Variants in PCDHB7 observed in about 807,000 individuals in gnomAD.
The protein encoded by PCDHB7 is protocadherin beta 7.
For synonymous variants in PCDHB7, 542 were observed against 463.1 expected (o/e 1.17, Z -2.19); for missense variants, 1,148 against 1,011.6 (o/e 1.13, Z -1.83).
chr5:141,172,989 C>T lies in PCDHB7; in HGVS notation c.154C>T (p.Leu52=). 6 of 1,614,042 alleles carry T rather than the reference C, an allele frequency of 3.7e-6. No individual in the cohort carries two copies. Among genetic ancestry groups the T allele is most frequent in the Non-Finnish European group, 5.1e-6 (6 of 1,180,010 alleles). ...CTTTCTTACCAACTTGGCAAAAGACCTAGGGTTAGGGGTAGGGGAACTGAG... is the reference window on the plus strand; with the variant it reads ...CTTTCTTACCAACTTGGCAAAAGACTTAGGGTTAGGGGTAGGGGAACTGAG... The part of the protein sequence containing the change: ...GTFLTNLAKD[L]GLGVGELRAR... The change falls in exon 1 of 1, where the codon CTA becomes TTA. Residue 52 remains leucine, a synonymous_variant. Transcript: ENST00000231137.
In PCDHB7 at chr5:141,175,107, G is replaced by A. The variant is rs548320013; in HGVS notation, c.2272G>A (p.Gly758Arg). ...TGAGGTGTGCCTGACTGGAGGCTCC[G>A]GGACAAATGAGTTCAAGTTTCTGAA... ...QYEVCLTGGS[G>R]TNEFKFLKPI... Residue 758 changes from glycine (G) to arginine (R), a missense_variant, in exon 1 of 1, where the codon GGG (glycine) becomes AGG (arginine). Physicochemically the swap from Gly to Arg is moderately radical, Grantham distance 125. Coordinates refer to ENST00000231137, the MANE Select transcript of PCDHB7 (RefSeq NM_018940.4). The A allele has an allele frequency of 1.2e-6, 2 of 1,614,194 alleles. No individual in the cohort carries two copies. The highest frequency in any genetic ancestry group is 1.7e-5 in the Admixed American group (1 of 60,032).
chr5:141,173,919 G>C lies in PCDHB7; in HGVS notation c.1084G>C (p.Glu362Gln). 1 of 1,612,616 alleles carries C rather than the reference G, an allele frequency of 6.2e-7. No homozygotes were observed. The highest frequency in any genetic ancestry group is 8.5e-7 in the Non-Finnish European group (1 of 1,178,836). Reference sequence around the variant, plus strand: ...TAGCCCAATTGCAGAAAACTCACCCGAGACAGTCGTGGCTGTTTTTAGGAT... The same window carrying C: ...TAGCCCAATTGCAGAAAACTCACCCCAGACAGTCGTGGCTGTTTTTAGGAT... ...LTSPIAENSP[E>Q]TVVAVFRIRD... is the part of the protein sequence containing the mutation. Residue 362 changes from glutamate to glutamine, a missense_variant, in exon 1 of 1, where the codon GAG becomes CAG. By Grantham distance (29) the Glu-to-Gln change is conservative. Transcript: ENST00000231137.
rs371376108 is a variant in PCDHB7, at chr5:141,173,359, A to T, written c.524A>T (p.Asn175Ile). 6.2e-6 allele frequency: 10 copies of T among 1,613,820 alleles called. No homozygotes were observed. The East Asian group carries it at 1.1e-4, about 18-fold the overall frequency. ...NSLSNYTISPNAYFHINVHDS... is the reference protein window; with the variant it reads ...NSLSNYTISPIAYFHINVHDS... Reference sequence around the variant, plus strand: ...CTGAGTAACTACACCATCAGCCCCAATGCCTATTTCCATATTAATGTCCAT... The same window carrying T: ...CTGAGTAACTACACCATCAGCCCCATTGCCTATTTCCATATTAATGTCCAT... The change falls in exon 1 of 1, where the codon AAT (asparagine) becomes ATT (isoleucine). Residue 175 changes from asparagine (N) to isoleucine (I), a missense_variant. Physicochemically the swap from Asn to Ile is moderately radical, Grantham distance 149. Coordinates refer to ENST00000231137, the MANE Select transcript of PCDHB7 (RefSeq NM_018940.4).
At position 141,175,343 on chromosome 5, in the gene PCDHB7, T is replaced by C; in HGVS notation, c.*126T>C. 4.7e-6 allele frequency: 5 copies of C among 1,057,348 alleles called. No homozygotes were observed. The highest frequency in any genetic ancestry group is 6.7e-6 in the Non-Finnish European group (5 of 745,060). 65.5% of individuals were successfully genotyped at this position (1,057,348 alleles called of 1,614,324 possible). ...TACTCTTGAAGTCAAGCAATAAATT[T>C]CTATACATAAAATAGGATCCTGATT... On this transcript the variant is annotated 3_prime_UTR_variant, in exon 1 of 1. Transcript: ENST00000231137.
rs1753243882 is a variant in PCDHB7, at chr5:141,172,752, A to C, written c.-84A>C. On this transcript the variant is annotated 5_prime_UTR_variant, in exon 1 of 1. Coordinates refer to ENST00000231137, the MANE Select transcript of PCDHB7 (RefSeq NM_018940.4). ...CACAAACATTGCTATTATTCAGCTC[A>C]TTTCAAAGGATTCCGCTGCTGCCAT... is the stretch of plus-strand genomic sequence containing the variant. The C allele has an allele frequency of 1.8e-6, 2 of 1,120,256 alleles. No individual in the cohort carries two copies. The highest frequency in any genetic ancestry group is 2.6e-6 in the Non-Finnish European group (2 of 765,506). 69.4% of individuals were successfully genotyped at this position (1,120,256 alleles called of 1,614,324 possible).
Position 141,174,994 on chromosome 5 carries a change from T to TG in PCDHB7, c.2162dup (p.Arg722SerfsTer6), listed in dbSNP as rs782436379. The TG allele has an allele frequency of 1.2e-6, 2 of 1,613,866 alleles. No individual in the cohort carries two copies. Among genetic ancestry groups the TG allele is most frequent in the South Asian group, 2.2e-5 (2 of 91,056 alleles). On this transcript the variant is annotated frameshift_variant, in exon 1 of 1. Coordinates refer to ENST00000231137, the MANE Select transcript of PCDHB7 (RefSeq NM_018940.4). LOFTEE classifies it low-confidence loss of function (END_TRUNC). ...TGCAGGAGGAGCAGGGCGGCCCCGG[T>TG]GGGTCGCTGCTCGGTGCCTGAGGGC... is the stretch of plus-strand genomic sequence containing the variant.
chr5:141,176,230 G>GT lies in PCDHB7; in HGVS notation c.*1018dup, dbSNP rs1753378651. The GT allele has an allele frequency of 6.0e-6, 1 of 167,110 alleles. No homozygotes were observed. Among genetic ancestry groups the GT allele is most frequent in the African/African-American group, 2.4e-5 (1 of 41,450 alleles). The allele number at this position is 167,110 out of a possible 1,614,324, so 10.4% of individuals were successfully genotyped here. ...ATACATTTTCCTGATTTGAAAGTTT[G>GT]TTTTTAAAAGTTTTCTATTAATTAT... On this transcript the variant is annotated 3_prime_UTR_variant, in exon 1 of 1. Transcript: ENST00000231137.
In PCDHB7 at chr5:141,174,005, C is replaced by A. The variant is rs782188852; in HGVS notation, c.1170C>A (p.Pro390=). 6.2e-7 allele frequency: 1 copy of A among 1,614,142 alleles called. No individual in the cohort carries two copies. The highest frequency in any genetic ancestry group is 1.7e-5 in the Admixed American group (1 of 60,028). The change falls in exon 1 of 1, where the codon CCC becomes CCA. Residue 390 remains proline, a synonymous_variant. Coordinates refer to ENST00000231137, the MANE Select transcript of PCDHB7 (RefSeq NM_018940.4). ...KTVCSIQDDV[P]FILKPSVENF... ...TGTGCTCCATCCAGGACGATGTCCC[C>A]TTCATCCTGAAGCCATCTGTCGAAA...
chr5:141,172,747 A>G lies in PCDHB7; in HGVS notation c.-89A>G, dbSNP rs1554279817. 1 of 1,023,018 alleles carries G rather than the reference A, an allele frequency of 9.8e-7. No homozygotes were observed. 63.4% of individuals were successfully genotyped at this position (1,023,018 alleles called of 1,614,324 possible). A position where few individuals can be genotyped will look rare whatever the true frequency, so the allele number is the denominator to read the frequency against. On this transcript the variant is annotated 5_prime_UTR_variant, in exon 1 of 1. Coordinates refer to ENST00000231137, the MANE Select transcript of PCDHB7 (RefSeq NM_018940.4). ...TTCCCCACAAACATTGCTATTATTC[A>G]GCTCATTTCAAAGGATTCCGCTGCT...
chr5:141,175,357 A>G lies in PCDHB7; in HGVS notation c.*140A>G. 1 of 985,792 alleles carries G rather than the reference A, an allele frequency of 1.0e-6. No homozygotes were observed. The highest frequency in any genetic ancestry group is 1.5e-6 in the Non-Finnish European group (1 of 681,952). 61.1% of individuals were successfully genotyped at this position (985,792 alleles called of 1,614,324 possible). On this transcript the variant is annotated 3_prime_UTR_variant, in exon 1 of 1. Transcript: ENST00000231137. ...AGCAATAAATTTCTATACATAAAAT[A>G]GGATCCTGATTTAGTATCAAGAACC...
rs557284400 is a variant in PCDHB7, at chr5:141,175,118, G to A, written c.2283G>A (p.Glu761=). 1.9e-5 allele frequency: 30 copies of A among 1,614,244 alleles called. No homozygotes were observed. The South Asian group carries it at 3.0e-4, about 16-fold the overall frequency. ...VCLTGGSGTN[E]FKFLKPIIPN... ...TGACTGGAGGCTCCGGGACAAATGA[G>A]TTCAAGTTTCTGAAACCAATTATCC... The change falls in exon 1 of 1, where the codon GAG becomes GAA. Residue 761 remains glutamate (E), a synonymous_variant. Coordinates refer to ENST00000231137, the MANE Select transcript of PCDHB7 (RefSeq NM_018940.4).
In PCDHB7 at chr5:141,175,874, T is replaced by A. The variant is rs1417727492; in HGVS notation, c.*657T>A. 1 of 167,342 alleles carries A rather than the reference T, an allele frequency of 6.0e-6. No individual in the cohort carries two copies. The highest frequency in any genetic ancestry group is 1.5e-5 in the Non-Finnish European group (1 of 68,320). The allele number at this position is 167,342 out of a possible 1,614,324, so 10.4% of individuals were successfully genotyped here. On this transcript the variant is annotated 3_prime_UTR_variant, in exon 1 of 1. Transcript: ENST00000231137. ...AATTAAGGAGAAGTCTTTTATCATATTTATACTGCTGTCCAATCTTTTCTA... is the reference window on the plus strand; with the variant it reads ...AATTAAGGAGAAGTCTTTTATCATAATTATACTGCTGTCCAATCTTTTCTA...
Position 141,173,592 on chromosome 5 carries a change from GAA to G in PCDHB7, c.760_761del (p.Asn254Ter). Reference protein sequence around the residue: ...VRSLYKVQVPENSPVGSMVVS... With the variant: ...VRSLYKVQVPXNSPVGSMVVS... ...GTCGCTCTACAAGGTGCAGGTGCCCGAAAATAGCCCCGTTGGTTCCATGGTTG... is the reference window on the plus strand; with the variant it reads ...GTCGCTCTACAAGGTGCAGGTGCCCGAATAGCCCCGTTGGTTCCATGGTTG... On this transcript the variant is annotated frameshift_variant, in exon 1 of 1. Coordinates refer to ENST00000231137, the MANE Select transcript of PCDHB7 (RefSeq NM_018940.4). LOFTEE classifies it low-confidence loss of function (END_TRUNC). 6.2e-7 allele frequency: 1 copy of G among 1,614,104 alleles called. No homozygotes were observed. Among genetic ancestry groups the G allele is most frequent in the South Asian group, 1.1e-5 (1 of 91,074 alleles).
rs781863227 is a variant in PCDHB7 at position 141,175,006 on chromosome 5, C to G, written c.2171C>G (p.Ser724Trp). The G allele has an allele frequency of 6.2e-7, 1 of 1,614,014 alleles. No homozygotes were observed. Among genetic ancestry groups the G allele is most frequent in the African/African-American group, 1.3e-5 (1 of 75,050 alleles). Reference protein sequence around the residue: ...RSRAAPVGRCSVPEGPFPRHL... With the variant: ...RSRAAPVGRCWVPEGPFPRHL... Reference sequence around the variant, plus strand: ...AGGGCGGCCCCGGTGGGTCGCTGCTCGGTGCCTGAGGGCCCCTTTCCACGA... The same window carrying G: ...AGGGCGGCCCCGGTGGGTCGCTGCTGGGTGCCTGAGGGCCCCTTTCCACGA... The change falls in exon 1 of 1, where the codon TCG becomes TGG. Residue 724 changes from serine to tryptophan, a missense_variant. Transcript: ENST00000231137.
At position 141,173,082 on chromosome 5, in the gene PCDHB7, G is replaced by A. The variant is rs1753253779; in HGVS notation, c.247G>A (p.Asp83Asn). 3 of 1,614,150 alleles carry A rather than the reference G, an allele frequency of 1.9e-6. No individual in the cohort carries two copies. Among genetic ancestry groups the A allele is most frequent in the Non-Finnish European group, 2.5e-6 (3 of 1,180,020 alleles). ...TTTACTGCTCAGTTCGCTTACTGGT[G>A]ATCTACTTCTAAATGAGAAATTGGA... Reference protein sequence around the residue: ...QILLLSSLTGDLLLNEKLDRE... With the variant: ...QILLLSSLTGNLLLNEKLDRE... Residue 83 changes from aspartate (D) to asparagine (N), a missense_variant, in exon 1 of 1, where the codon GAT becomes AAT. Physicochemically the swap from Asp to Asn is conservative, Grantham distance 23. Transcript: ENST00000231137.
In PCDHB7 at chr5:141,176,014, A is replaced by G. The variant is rs1753373358; in HGVS notation, c.*797A>G. On this transcript the variant is annotated 3_prime_UTR_variant, in exon 1 of 1. Transcript: ENST00000231137. ...TATTACTAATGCTCTGATCTGTCCA[A>G]ACTCAAGCGGAAAACAAAATTGAAA... 1 of 167,244 alleles carries G rather than the reference A, an allele frequency of 6.0e-6. No individual in the cohort carries two copies. Among genetic ancestry groups the G allele is most frequent in the Non-Finnish European group, 1.5e-5 (1 of 68,196 alleles). The allele number at this position is 167,244 out of a possible 1,614,324, so 10.4% of individuals were successfully genotyped here.
chr5:141,173,805 G>C lies in PCDHB7; in HGVS notation c.970G>C (p.Gly324Arg), dbSNP rs782197674. ...TYTLTIQAKD[G>R]GGLSGKCTVV... The stretch of plus-strand genomic sequence containing the variant: ...CACATTAACTATTCAGGCCAAAGAC[G>C]GCGGCGGGCTTTCTGGAAAATGCAC... The change falls in exon 1 of 1, where the codon GGC becomes CGC. Residue 324 changes from glycine (G) to arginine (R), a missense_variant. Coordinates refer to ENST00000231137, the MANE Select transcript of PCDHB7 (RefSeq NM_018940.4). The C allele has an allele frequency of 7.4e-6, 12 of 1,614,044 alleles. No individual in the cohort carries two copies. The highest frequency in any genetic ancestry group is 9.3e-6 in the Non-Finnish European group (11 of 1,180,046).
At position 141,172,723 on chromosome 5, in the gene PCDHB7, T is replaced by A; in HGVS notation, c.-113T>A. 1.2e-6 allele frequency: 1 copy of A among 832,304 alleles called. No individual in the cohort carries two copies. The highest frequency in any genetic ancestry group is 1.9e-6 in the Non-Finnish European group (1 of 522,096). The allele number at this position is 832,304 out of a possible 1,614,324, so 51.6% of individuals were successfully genotyped here. A position where few individuals can be genotyped will look rare whatever the true frequency, so the allele number is the denominator to read the frequency against. ...GGAATTGGGGTAAAATGAGGATCCT[T>A]CCCCACAAACATTGCTATTATTCAG... is the stretch of plus-strand genomic sequence containing the variant. On this transcript the variant is annotated 5_prime_UTR_variant, in exon 1 of 1. Transcript: ENST00000231137.
chr5:141,173,598 A>C lies in PCDHB7; in HGVS notation c.763A>C (p.Ser255Arg). Residue 255 changes from serine to arginine, a missense_variant, in exon 1 of 1, where the codon AGC (serine) becomes CGC (arginine). Coordinates refer to ENST00000231137, the MANE Select transcript of PCDHB7 (RefSeq NM_018940.4). ...SLYKVQVPEN[S>R]PVGSMVVSVS... is the part of the protein sequence containing the mutation. ...CTACAAGGTGCAGGTGCCCGAAAAT[A>C]GCCCCGTTGGTTCCATGGTTGTCTC... 6.2e-7 allele frequency: 1 copy of C among 1,614,132 alleles called. No homozygotes were observed. The highest frequency in any genetic ancestry group is 8.5e-7 in the Non-Finnish European group (1 of 1,180,024).
Sources: gnomAD v4.1 joint callset for allele counts on GRCh38, gnomAD v4.1.1 for gene constraint, MANE v1.5 for transcripts, NCBI Gene and HGNC (gene_info 2026-07-23, HGNC 2026-07-21) for gene names.